THRB: variants seen among roughly 807,000 people sequenced by gnomAD.
The protein encoded by THRB is thyroid hormone receptor beta, also known as nuclear receptor subfamily 1 group A member 2.
A neutral mutation model predicts 47.8 loss-of-function variants in THRB; 12 were observed. The observed-to-expected ratio is 0.25, with a 90% CI of 0.16 to 0.41. The LOEUF (loss-of-function observed/expected upper bound fraction) is 0.41. Among genes scored for constraint, THRB ranks in the 10% least tolerant of loss-of-function variants. The pLI, the probability that THRB is intolerant of heterozygous loss-of-function variation, is 1.00. For missense variants in THRB, 348 were observed against 589.2 expected (o/e 0.59, Z 4.24); for synonymous variants, 218 against 212.2 (o/e 1.03, Z -0.24).
rs115333060 is a variant in THRB at position 24,372,344 on chromosome 3, G to A, written c.-260-34973C>T. On this transcript the variant is annotated intron_variant, in intron 1 of 10. Transcript: ENST00000646209. ...TACAAAACTGGCTCTCTTATCCTTC[G>A]ACCCCTACCCCAGTGTTCTTTATAT... 8.8e-3 allele frequency among the ~76,000 whole-genome samples: 1,342 copies of A among 152,098 alleles called. 13 individuals are homozygous for A. Among genetic ancestry groups the A allele is most frequent in the African/African-American group, 0.031 (1,289 of 41,508 alleles).
intron 1 of THRB, among the ~76,000 whole-genome samples, chr3:24,411,840 C>T (rs550147705): frequency 5.9e-5 from 9 of 151,796 alleles, no homozygotes; most frequent in African/African-American, 1.9e-4. Flanking sequence ...ATCAACAGTG[C>T]CAAGGTTGAG....
chr3:24,407,664 G>A (rs1443483328), intron 1 of THRB, among the ~76,000 whole-genome samples: 2 of 151,774 alleles, frequency 1.3e-5, no homozygotes, highest in African/African-American at 4.8e-5. Context: ...GAGAACTGTT[G>A]CGTTGGATAA....
At chr3:24,299,981 G>A (rs2056819472) in intron 2 of THRB, among the ~76,000 whole-genome samples, 1 of 151,644 alleles carries the variant, frequency 6.6e-6, no homozygotes, top group Non-Finnish European at 1.5e-5. Flanking sequence ...TAGACTAAAT[G>A]GCATAAAATT....
At chr3:24,490,493 C>T in intron 1 of THRB, among the ~76,000 whole-genome samples, 1 of 152,308 alleles carries the variant, frequency 6.6e-6, no homozygotes. Context: ...GCCCATGTAC[C>T]AAGCTCTTTG....
At chr3:24,384,980 T>G (rs768938873) in intron 1 of THRB, among the ~76,000 whole-genome samples, 3 of 152,116 alleles carry the variant, frequency 2.0e-5, no homozygotes, top group Non-Finnish European at 2.9e-5. Flanking sequence ...GTGCACTGCA[T>G]GAATATACTA....
rs77136449 is a variant in THRB, at chr3:24,407,255, T to C, written c.-260-69884A>G. Among the ~76,000 whole-genome samples, 526 of 151,918 alleles carry C rather than the reference T, an allele frequency of 3.5e-3. 3 individuals are homozygous for C. Among genetic ancestry groups the C allele is most frequent in the African/African-American group, 0.012 (502 of 41,516 alleles). Reference sequence around the variant, plus strand: ...GGAATACGACCCTTTGCTGATTCCATGTACATGTCAACTTTCTGTTTATGA... The same window carrying C: ...GGAATACGACCCTTTGCTGATTCCACGTACATGTCAACTTTCTGTTTATGA... On this transcript the variant is annotated intron_variant, in intron 1 of 10. Coordinates refer to ENST00000646209, the MANE Select transcript of THRB (RefSeq NM_001354712.2).
chr3:24,152,642 TATACTC>T, intron 5 of THRB, 152 bp from the exon 6 acceptor site: 1 of 655,960 alleles, frequency 1.5e-6, no homozygotes, highest in South Asian at 1.7e-5. Context: ...GTAAGAATTT[TATACTC>T]ATAGAGTTAA....
chr3:24,463,141 T>C (rs893694366), intron 1 of THRB, among the ~76,000 whole-genome samples: 10 of 152,356 alleles, frequency 6.6e-5, no homozygotes, highest in African/African-American at 2.4e-4. Context: ...GGAAGAAATA[T>C]CTGAAACCTT....
At chr3:24,487,283 T>C (rs537470089) in intron 1 of THRB, among the ~76,000 whole-genome samples, 8 of 152,088 alleles carry the variant, frequency 5.3e-5, no homozygotes, top group South Asian at 2.1e-4. Flanking sequence ...TGTGATATAG[T>C]GAACTGTTCC....
At chr3:24,193,808 G>T (rs947337424) in intron 4 of THRB, among the ~76,000 whole-genome samples, 3 of 151,230 alleles carry the variant, frequency 2.0e-5, no homozygotes, top group African/African-American at 7.4e-5. Context: ...ATATGAAAAA[G>T]ACATTTGCAC....
chr3:24,378,013 C>G (rs2065421620), intron 1 of THRB, among the ~76,000 whole-genome samples: 1 of 152,182 alleles, frequency 6.6e-6, no homozygotes, highest in African/African-American at 2.4e-5. Flanking sequence ...TCCCAATTTG[C>G]TGATTCTTTG....
chr3:24,287,313 A>G (rs192501153), intron 3 of THRB, among the ~76,000 whole-genome samples: 10 of 152,328 alleles, frequency 6.6e-5, no homozygotes, highest in Admixed American at 3.3e-4. Context: ...AAAGACTTCA[A>G]TTTAGGTCTT....
intron 1 of THRB, among the ~76,000 whole-genome samples, chr3:24,360,986 G>A (rs1279325714): frequency 6.6e-6 from 1 of 152,142 alleles, no homozygotes; most frequent in Non-Finnish European, 1.5e-5. Flanking sequence ...AAACCACTGG[G>A]TTGGCTCCTA....
At chr3:24,462,105 T>C (rs752099459) in intron 1 of THRB, among the ~76,000 whole-genome samples, 11 of 152,078 alleles carry the variant, frequency 7.2e-5, no homozygotes, top group Non-Finnish European at 1.0e-4. Context: ...GTTTCTAAAA[T>C]GAGCATTCAT....
chr3:24,194,771 A>T (rs2043772061), intron 4 of THRB, among the ~76,000 whole-genome samples: 1 of 152,240 alleles, frequency 6.6e-6, no homozygotes, highest in Non-Finnish European at 1.5e-5. Context: ...TCTGTCCATC[A>T]AAGAAGGGAG....
intron 1 of THRB, among the ~76,000 whole-genome samples, chr3:24,490,037 T>C (rs1697901318): frequency 6.6e-6 from 1 of 152,156 alleles, no homozygotes; most frequent in African/African-American, 2.4e-5. Flanking sequence ...ATAAAATAAC[T>C]ATTTTTAGGG....
At chr3:24,272,839 C>A (rs1312860623) in intron 3 of THRB, among the ~76,000 whole-genome samples, 1 of 152,190 alleles carries the variant, frequency 6.6e-6, no homozygotes, top group Non-Finnish European at 1.5e-5. Context: ...GATTATTTTA[C>A]TCTTCCTATG....
intron 3 of THRB, among the ~76,000 whole-genome samples, chr3:24,245,921 A>G (rs201822326): frequency 1.5e-5 from 2 of 132,084 alleles, no homozygotes; most frequent in African/African-American, 6.9e-5. Context: ...ACAAAACAAT[A>G]CAAAGCAAAA....
At chr3:24,237,447 C>A (rs192577783) in intron 3 of THRB, among the ~76,000 whole-genome samples, 1 of 152,148 alleles carries the variant, frequency 6.6e-6, no homozygotes, top group African/African-American at 2.4e-5. Context: ...CCCACTCTCT[C>A]AACTCCAGTT....
Sources: gnomAD v4.1 joint callset for allele counts (sites outside exome capture counted in the v4.1 genomes callset) on GRCh38, gnomAD v4.1.1 for gene constraint, MANE v1.5 for transcripts, NCBI Gene and HGNC (gene_info 2026-07-23, HGNC 2026-07-21) for gene names.